The following LRCH3 variants were observed in gnomAD, a reference collection of about 807,000 sequenced individuals.
The protein encoded by LRCH3 is leucine rich repeats and calponin homology domain containing 3.
LRCH3 carries 68 observed loss-of-function variants against 104.5 expected under a neutral mutation model. The ratio of observed to expected loss-of-function variants is 0.65; its 90% confidence interval spans 0.54 to 0.80. LRCH3 has a LOEUF of 0.80. Ranked by LOEUF, LRCH3 falls within the 30% of genes least tolerant of loss-of-function variation. LRCH3 has a pLI of 0.00. For missense variants in LRCH3, 951 were observed against 953.9 expected (o/e 1.00, Z 0.04); for synonymous variants, 344 against 361.3 (o/e 0.95, Z 0.54).
chr3:197,813,880 G>A (rs1733515125), intron 1 of LRCH3, among the ~76,000 whole-genome samples: 2 of 152,022 alleles, frequency 1.3e-5, no homozygotes. Flanking sequence ...AGTCATTGAT[G>A]TTCAATTCTA....
chr3:197,856,946 TGA>T lies in LRCH3; in HGVS notation c.1645-1887_1645-1886del. ...AATGCTGAATTTGATTTAAAGACCT[TGA>T]AACTTACGATTTGAAATGAAGATTT... On this transcript the variant is annotated intron_variant, in intron 14 of 20. Transcript: ENST00000425562. The surrounding 1 kb of genome is among the most constrained non-coding windows in gnomAD (Gnocchi z 4.2). 6.6e-6 allele frequency among the ~76,000 whole-genome samples: 1 copy of T among 152,258 alleles called. No individual in the cohort carries two copies.
chr3:197,820,249 C>T, intron 3 of LRCH3, 76 bp from the exon 4 acceptor site: 1 of 1,052,644 alleles, frequency 9.5e-7, no homozygotes, highest in Non-Finnish European at 1.5e-6. Context: ...CCAAACATAT[C>T]TAATTTTATA....
At chr3:197,834,936 G>A (rs1736503261) in intron 8 of LRCH3, among the ~76,000 whole-genome samples, 1 of 152,116 alleles carries the variant, frequency 6.6e-6, no homozygotes, top group African/African-American at 2.4e-5. Flanking sequence ...TTGAGCCCAG[G>A]AGTTGGAGAC....
intron 4 of LRCH3, among the ~76,000 whole-genome samples, chr3:197,820,754 A>C (rs565605737): frequency 1.2e-4 from 18 of 152,192 alleles, no homozygotes; most frequent in African/African-American, 4.1e-4. Flanking sequence ...GGCTGCAGTG[A>C]GCTGTGGTGG....
At chr3:197,866,937 T>C (rs9832725) in intron 17 of LRCH3, among the ~76,000 whole-genome samples, 13,502 of 151,906 alleles carry the variant, frequency 0.089, 2,007 homozygotes, top group African/African-American at 0.31. Flanking sequence ...GTCGGGAGTT[T>C]GAGATCAGCC....
rs1433030157 is a variant in LRCH3 at position 197,864,564 on chromosome 3, C to T, written c.1717-859C>T. On this transcript the variant is annotated intron_variant, in intron 15 of 20. Transcript: ENST00000425562. The stretch of plus-strand genomic sequence containing the variant: ...GGCGGAGGTTGTGGTGAGCTGAGAT[C>T]GTGCCATTGCACTCCAGCCTGGGCA... Among the ~76,000 whole-genome samples, 125 of 135,036 alleles carry T rather than the reference C, an allele frequency of 9.3e-4. 7 individuals carry two copies. Among genetic ancestry groups the T allele is most frequent in the Middle Eastern group, 4.3e-3 (1 of 234 alleles). 88.6% of individuals were successfully genotyped at this position (135,036 alleles called of 152,430 possible).
At chr3:197,825,067 T>C (rs1734997835) in intron 4 of LRCH3, among the ~76,000 whole-genome samples, 1 of 152,212 alleles carries the variant, frequency 6.6e-6, no homozygotes, top group African/African-American at 2.4e-5. Flanking sequence ...TGATTATAAA[T>C]CCAGGTTGAA....
chr3:197,860,527 C>T (rs548158524), intron 15 of LRCH3, among the ~76,000 whole-genome samples: 32 of 152,222 alleles, frequency 2.1e-4, no homozygotes, highest in African/African-American at 7.5e-4. Flanking sequence ...GATCACACCA[C>T]TGTACCCCAG....
chr3:197,867,320 G>C (rs954069247), intron 17 of LRCH3, among the ~76,000 whole-genome samples: 3 of 152,166 alleles, frequency 2.0e-5, no homozygotes, highest in African/African-American at 7.2e-5. Flanking sequence ...TCGGGAGGCT[G>C]AGGCAGAGTC....
In LRCH3 at chr3:197,814,888, T is replaced by C; in HGVS notation, c.263-20T>C. On this transcript the variant is annotated intron_variant, in intron 1 of 20. Transcript: ENST00000425562. Reference sequence around the variant, plus strand: ...AAGTTCCAAGGACTGATTTTAAACCTAATTTAATTTTTCTTTTAGACCTGT... The same window carrying C: ...AAGTTCCAAGGACTGATTTTAAACCCAATTTAATTTTTCTTTTAGACCTGT... 3 of 1,567,486 alleles carry C rather than the reference T, an allele frequency of 1.9e-6. No homozygotes were observed. The South Asian group carries it at 3.7e-5, about 20-fold the overall frequency.
At chr3:197,799,877 CAAAAACA>C (rs902732294) in intron 1 of LRCH3, among the ~76,000 whole-genome samples, 4 of 150,092 alleles carry the variant, frequency 2.7e-5, no homozygotes, top group Admixed American at 2.0e-4. Flanking sequence ...GCTCTCAAAA[CAAAAACA>C]AAAAACAAAA....
At position 197,791,606 on chromosome 3, in the gene LRCH3, G is replaced by A. The variant is rs1434811588; in HGVS notation, c.262+66G>A. 4.8e-6 allele frequency: 7 copies of A among 1,464,648 alleles called. No individual in the cohort carries two copies. In the East Asian group the frequency reaches 1.1e-4, roughly 23 times the overall value. 90.7% of individuals were successfully genotyped at this position (1,464,648 alleles called of 1,614,324 possible). ...GCGCCGGGAGCCGCCCCGGCCGGGGGAGGCGGATGCGGGGGAGTTACAGCA... is the reference window on the plus strand; with the variant it reads ...GCGCCGGGAGCCGCCCCGGCCGGGGAAGGCGGATGCGGGGGAGTTACAGCA... On this transcript the variant is annotated intron_variant, in intron 1 of 20. Coordinates refer to ENST00000425562, the MANE Select transcript of LRCH3 (RefSeq NM_001365715.1).
Position 197,826,963 on chromosome 3 carries a change from C to T in LRCH3, c.726C>T (p.His242=). Residue 242 remains histidine (H), a synonymous_variant, in exon 5 of 21, where the codon CAC becomes CAT. Coordinates refer to ENST00000425562, the MANE Select transcript of LRCH3 (RefSeq NM_001365715.1). ...CTGTTTGTTATCGGAACCTCAGGCACCTACAGACGATCACCCTAGATAACA... is the reference window on the plus strand; with the variant it reads ...CTGTTTGTTATCGGAACCTCAGGCATCTACAGACGATCACCCTAGATAACA... ...TIPVCYRNLR[H]LQTITLDNNP... is the part of the protein sequence containing the mutation. 5 of 1,613,996 alleles carry T rather than the reference C, an allele frequency of 3.1e-6. No individual in the cohort carries two copies. The highest frequency in any genetic ancestry group is 2.2e-5 in the South Asian group (2 of 91,074).
chr3:197,793,605 A>T (rs542364609), intron 1 of LRCH3, among the ~76,000 whole-genome samples: 1 of 152,354 alleles, frequency 6.6e-6, no homozygotes, highest in East Asian at 1.9e-4. Context: ...GTCCTTAAAT[A>T]TTTTATTGAC....
At chr3:197,803,520 C>T (rs1732128924) in intron 1 of LRCH3, among the ~76,000 whole-genome samples, 1 of 152,128 alleles carries the variant, frequency 6.6e-6, no homozygotes, top group African/African-American at 2.4e-5. Context: ...GCTACTTTAG[C>T]CAGGTGTGGT....
chr3:197,869,073 AT>A (rs1711711183), intron 17 of LRCH3, among the ~76,000 whole-genome samples: 1 of 152,254 alleles, frequency 6.6e-6, no homozygotes, highest in African/African-American at 2.4e-5. Flanking sequence ...TGTTGTGTAT[AT>A]TTGAAAATCT....
In LRCH3 at chr3:197,865,421, A is replaced by C; in HGVS notation, c.1717-2A>C. ...TATTGATATATGTCTGTTTCTCCAC[A>C]GAGTGATGACAGACCTAATGCTCTA... On this transcript the variant is annotated splice_acceptor_variant, in intron 15 of 20. Coordinates refer to ENST00000425562, the MANE Select transcript of LRCH3 (RefSeq NM_001365715.1). LOFTEE classifies it high-confidence loss of function. 1 of 1,563,454 alleles carries C rather than the reference A, an allele frequency of 6.4e-7. No homozygotes were observed. The highest frequency in any genetic ancestry group is 1.1e-5 in the South Asian group (1 of 86,998).
chr3:197,847,395 C>CT lies in LRCH3; in HGVS notation c.1329-8dup. The CT allele has an allele frequency of 6.4e-7, 1 of 1,556,138 alleles. No homozygotes were observed. Among genetic ancestry groups the CT allele is most frequent in the Non-Finnish European group, 8.6e-7 (1 of 1,158,750 alleles). On this transcript the variant is annotated splice_polypyrimidine_tract_variant and intron_variant, in intron 10 of 20. Coordinates refer to ENST00000425562, the MANE Select transcript of LRCH3 (RefSeq NM_001365715.1). ...CAAAGAGTTTTTTTCTTTCTTTTTT[C>CT]TTTTTTGGGTCAGGGTTCCAGCTGA...
chr3:197,834,987 T>C (rs1736527839), intron 8 of LRCH3, among the ~76,000 whole-genome samples: 1 of 151,900 alleles, frequency 6.6e-6, no homozygotes, highest in Non-Finnish European at 1.5e-5. Flanking sequence ...CTACTAAAAA[T>C]ACAAAAGTTA....
Sources: allele counts gnomAD v4.1 joint callset (sites outside exome capture counted in the v4.1 genomes callset), GRCh38; gene constraint gnomAD v4.1.1; non-coding constraint Gnocchi (gnomAD v3.1); transcripts MANE v1.5; gene names NCBI Gene and HGNC (gene_info 2026-07-23, HGNC 2026-07-21).